The following AANAT variants were observed in gnomAD, a reference collection of about 807,000 sequenced individuals.
AANAT encodes aralkylamine N-acetyltransferase, also known as serotonin N-acetyltransferase.
In AANAT, 11 loss-of-function variants were observed where a neutral mutation model predicts 15.6. That is an observed-to-expected ratio of 0.71 (90% CI 0.44 to 1.17). The LOEUF is 1.17. Among genes scored for constraint, AANAT ranks in the 50% most tolerant of loss-of-function variants. The probability of loss-of-function intolerance (pLI) is 0.00; values close to 1 mark genes in which losing one functional copy is unlikely to be tolerated. For synonymous variants in AANAT, 139 were observed against 131.5 expected, an observed-to-expected ratio of 1.06 and a Z score of -0.39; for missense variants, 286 against 296.3, an observed-to-expected ratio of 0.97 and a Z score of 0.26.
intron 1 of AANAT, among the ~76,000 whole-genome samples, chr17:76,468,008 C>A (rs1271970244): frequency 2.6e-5 from 4 of 152,044 alleles, no homozygotes; most frequent in Non-Finnish European, 4.4e-5. Context: ...CCTCTGCAGC[C>A]CCCGGCTCCC....
chr17:76,454,046 A>C (rs2073311552), intron 1 of AANAT, among the ~76,000 whole-genome samples: 1 of 152,254 alleles, frequency 6.6e-6, no homozygotes, highest in African/African-American at 2.4e-5. Flanking sequence ...TTGGAGGATT[A>C]AGTGAAGTAG....
upstream of AANAT, among the ~76,000 whole-genome samples, chr17:76,462,716 C>T (rs562314436): frequency 1.3e-5 from 2 of 152,280 alleles, no homozygotes; most frequent in East Asian, 3.9e-4. Context: ...AAGACGATAA[C>T]GCGAGATGTG....
Position 76,468,842 on chromosome 17 carries a change from C to T in AANAT, c.96C>T (p.Leu32=), listed in dbSNP as rs149837115. The T allele has an allele frequency of 3.2e-5, 52 of 1,613,686 alleles. No homozygotes were observed. The African/African-American group carries it at 6.9e-4, about 22-fold the overall frequency. ...CGAGCTGTCAGCGGCGCCACACACTCCCTGCCAGTGAGTTTCGCTGCCTCA... is the reference window on the plus strand; with the variant it reads ...CGAGCTGTCAGCGGCGCCACACACTTCCTGCCAGTGAGTTTCGCTGCCTCA... ...ESPSCQRRHT[L]PASEFRCLTP... Residue 32 remains leucine, a synonymous_variant, in exon 2 of 4, where the codon CTC becomes CTT. Transcript: ENST00000392492.
intron 1 of AANAT, among the ~76,000 whole-genome samples, chr17:76,454,680 G>A (rs988808132): frequency 4.6e-5 from 7 of 151,798 alleles, no homozygotes; most frequent in Non-Finnish European, 8.8e-5. Context: ...AAAATTAGCT[G>A]GGCGTGGTGG....
At position 76,469,785 on chromosome 17, in the gene AANAT, C is replaced by T; in HGVS notation, c.439C>T (p.Leu147=). 6.3e-7 allele frequency: 1 copy of T among 1,593,736 alleles called. No homozygotes were observed. The change falls in exon 4 of 4, where the codon CTG becomes TTG. Residue 147 remains leucine (L), a synonymous_variant. Coordinates refer to ENST00000392492, the MANE Select transcript of AANAT (RefSeq NM_001088.3). The surrounding 1 kb of genome is among the most constrained non-coding windows in gnomAD (Gnocchi z 5.2). ...CCTGCTGTGGCGCTACCTGCACCAC[C>T]TGGGCAGCCAGCCGGCCGTGCGCCG... is the stretch of plus-strand genomic sequence containing the variant. ...PILLWRYLHH[L]GSQPAVRRAA... is the part of the protein sequence containing the mutation.
intron 2 of AANAT, among the ~76,000 whole-genome samples, chr17:76,460,632 A>T (rs2073379684): frequency 6.6e-6 from 1 of 152,136 alleles, no homozygotes; most frequent in Non-Finnish European, 1.5e-5. Context: ...GGCTACTAGA[A>T]CATTTAAAAT....
intron 1 of AANAT, among the ~76,000 whole-genome samples, chr17:76,457,550 C>A (rs1054933635): frequency 6.6e-6 from 1 of 152,204 alleles, no homozygotes; most frequent in Non-Finnish European, 1.5e-5. Context: ...GCTGTAACTT[C>A]ATGCCAGATA....
chr17:76,453,697 C>A (rs1182050268), exon 1 of AANAT: 1 of 152,178 alleles, frequency 6.6e-6, no homozygotes, highest in Non-Finnish European at 1.5e-5. Flanking sequence ...ATGTATAATG[C>A]ACTGTATTCA....
chr17:76,469,316 A>C lies in AANAT; in HGVS notation c.307A>C (p.Arg103=). Residue 103 remains arginine (R), a synonymous_variant, in exon 3 of 4, where the codon AGA becomes CGA. Transcript: ENST00000392492. This position sits in a 1 kb window ranked among gnomAD's most constrained non-coding sequence, Gnocchi z 5.2. ...FIIGSLWDKE[R]LMQESLTLHR... ...CATCGGCTCGCTCTGGGACAAGGAG[A>C]GACTCATGCAGGTGAGGACAGGGCT... 1 of 1,613,924 alleles carries C rather than the reference A, an allele frequency of 6.2e-7. No individual in the cohort carries two copies. The highest frequency in any genetic ancestry group is 1.1e-5 in the South Asian group (1 of 91,088).
upstream of AANAT, among the ~76,000 whole-genome samples, chr17:76,463,470 G>C (rs2073408511): frequency 6.6e-6 from 1 of 151,938 alleles, no homozygotes; most frequent in African/African-American, 2.4e-5. Flanking sequence ...ACCACGCCCA[G>C]ATCATTTTTG....
chr17:76,457,005 CTA>C (rs2073348467), intron 1 of AANAT, among the ~76,000 whole-genome samples: 1 of 152,146 alleles, frequency 6.6e-6, no homozygotes, highest in African/African-American at 2.4e-5. Context: ...GTCCATGTGT[CTA>C]TGTGTCCCAC....
At chr17:76,466,134 C>T (rs770801692), upstream of AANAT, 41 of 1,520,466 alleles carry the variant, frequency 2.7e-5, no homozygotes, top group Non-Finnish European at 3.4e-5. Context: ...TCTCAGGCAT[C>T]GCCAAGTGAC....
upstream of AANAT, chr17:76,466,313 T>C (rs2073437664): frequency 8.4e-7 from 1 of 1,193,980 alleles, no homozygotes. Flanking sequence ...TCCTGAGAGG[T>C]CTGTTGAGGG....
chr17:76,460,218 G>A (rs1217367485), intron 2 of AANAT, among the ~76,000 whole-genome samples: 4 of 135,408 alleles, frequency 3.0e-5, no homozygotes, highest in South Asian at 2.4e-4. Flanking sequence ...GCAGGACCTC[G>A]ACTCACTGCA....
chr17:76,469,321 C>G lies in AANAT; in HGVS notation c.312C>G (p.Leu104=), dbSNP rs72466446. The change falls in exon 3 of 4, where the codon CTC becomes CTG. Residue 104 remains leucine, a synonymous_variant. Transcript: ENST00000392492. The surrounding 1 kb of genome is among the most constrained non-coding windows in gnomAD (Gnocchi z 5.2). ...IIGSLWDKER[L]MQESLTLHRS... ...GCTCGCTCTGGGACAAGGAGAGACT[C>G]ATGCAGGTGAGGACAGGGCTGCGAC... is the stretch of plus-strand genomic sequence containing the variant. 1.2e-6 allele frequency: 2 copies of G among 1,613,956 alleles called. No individual in the cohort carries two copies. The highest frequency in any genetic ancestry group is 1.7e-5 in the Admixed American group (1 of 60,016).
chr17:76,469,455 C>T lies in AANAT; in HGVS notation c.318+128C>T. 7.4e-7 allele frequency: 1 copy of T among 1,357,256 alleles called. No individual in the cohort carries two copies. The highest frequency in any genetic ancestry group is 1.0e-6 in the Non-Finnish European group (1 of 1,000,112). The allele number at this position is 1,357,256 out of a possible 1,614,324, so 84.1% of individuals were successfully genotyped here. On this transcript the variant is annotated intron_variant, in intron 3 of 3. Transcript: ENST00000392492. This position sits in a 1 kb window ranked among gnomAD's most constrained non-coding sequence, Gnocchi z 5.2. The stretch of plus-strand genomic sequence containing the variant: ...GAACTGGAGAGATGAGTACAGGCCA[C>T]AGGCCCCTCCCAGAGCAAGACCTTC...
At chr17:76,461,734 G>T (rs935934659) in intron 2 of AANAT, among the ~76,000 whole-genome samples, 1 of 152,060 alleles carries the variant, frequency 6.6e-6, no homozygotes, top group African/African-American at 2.4e-5. Flanking sequence ...TGTAAGGACT[G>T]GGGGGCTGGA....
At chr17:76,458,424 G>A (rs1003507691) in intron 1 of AANAT, among the ~76,000 whole-genome samples, 1 of 152,218 alleles carries the variant, frequency 6.6e-6, no homozygotes, top group Admixed American at 6.5e-5. Flanking sequence ...TTTTGTCATT[G>A]TTGAGGTGTA....
At chr17:76,466,052 A>T, upstream of AANAT, 1 of 819,086 alleles carries the variant, frequency 1.2e-6, no homozygotes, top group Non-Finnish European at 2.0e-6. Context: ...CTAGACCTCT[A>T]GGGTGTTGTC....
Sources: allele counts gnomAD v4.1 joint callset (sites outside exome capture counted in the v4.1 genomes callset), GRCh38; gene constraint gnomAD v4.1.1; non-coding constraint Gnocchi (gnomAD v3.1); transcripts MANE v1.5; gene names NCBI Gene and HGNC (gene_info 2026-07-23, HGNC 2026-07-21).